The following PGR variants were observed in gnomAD, a reference collection of about 807,000 sequenced individuals.
The protein encoded by PGR is nuclear receptor subfamily 3 group C member 3.
In PGR, 25 loss-of-function variants were observed where a neutral mutation model predicts 76.1. That is an observed-to-expected ratio of 0.33 (90% confidence interval 0.24 to 0.46). PGR has a LOEUF of 0.46. PGR is among the 20% of genes least tolerant of loss of function. The probability of loss-of-function intolerance (pLI) is 1.00; values close to 1 mark genes in which losing one functional copy is unlikely to be tolerated. For missense variants in PGR, 1,172 were observed against 1,225.3 expected (o/e 0.96, Z 0.65); for synonymous variants, 579 against 535.0 (o/e 1.08, Z -1.14).
rs760825686 is a variant in PGR, at chr11:101,043,329, C to T, written c.2489-1227G>A. The stretch of plus-strand genomic sequence containing the variant: ...ACTCCTCATCTTTCAAGTTTTACCA[C>T]GAAACCTCTTCAATTCAGTCATGTC... On this transcript the variant is annotated intron_variant, in intron 6 of 7. Coordinates refer to ENST00000325455, the MANE Select transcript of PGR (RefSeq NM_000926.4). Among the ~76,000 whole-genome samples the T allele has an allele frequency of 9.2e-5, 14 of 152,284 alleles. No homozygotes were observed. In the East Asian group the frequency reaches 1.2e-3, roughly 13 times the overall value.
intron 3 of PGR, among the ~76,000 whole-genome samples, chr11:101,065,474 C>G (rs183789665): frequency 1.3e-5 from 2 of 152,168 alleles, no homozygotes; most frequent in Admixed American, 1.3e-4. Context: ...TGTAGAACTT[C>G]ATATAATTGT....
At chr11:101,113,405 G>A (rs1333618498) in intron 2 of PGR, among the ~76,000 whole-genome samples, 1 of 148,952 alleles carries the variant, frequency 6.7e-6, no homozygotes, top group Non-Finnish European at 1.5e-5. Context: ...GGGACTACAG[G>A]CACCCACCAC....
intron 3 of PGR, among the ~76,000 whole-genome samples, chr11:101,069,883 C>T (rs1204512356): frequency 6.6e-6 from 1 of 151,766 alleles, no homozygotes; most frequent in Non-Finnish European, 1.5e-5. Context: ...AGGGATAGCA[C>T]TAGTAGAAAC....
intron 4 of PGR, among the ~76,000 whole-genome samples, chr11:101,059,858 A>AAAG (rs1860427929): frequency 1.2e-5 from 1 of 85,224 alleles, no homozygotes; most frequent in African/African-American, 2.9e-5. Flanking sequence ...AAAAAAAAAA[A>AAAG]AAAGAAAAAA....
At chr11:101,060,620 T>C (rs2135408484) in intron 4 of PGR, among the ~76,000 whole-genome samples, 1 of 152,336 alleles carries the variant, frequency 6.6e-6, no homozygotes, top group South Asian at 2.1e-4. Flanking sequence ...TCTAGCTCAC[T>C]GACCATTTTC....
intron 2 of PGR, among the ~76,000 whole-genome samples, chr11:101,092,930 T>C (rs1202684936): frequency 1.3e-5 from 2 of 152,152 alleles, no homozygotes; most frequent in Non-Finnish European, 2.9e-5. Context: ...AATCAGAGTC[T>C]TCTGGCCAAA....
At chr11:101,041,113 A>C (rs1247030717) in intron 7 of PGR, among the ~76,000 whole-genome samples, 1 of 143,976 alleles carries the variant, frequency 6.9e-6, no homozygotes, top group East Asian at 1.9e-4. Flanking sequence ...GGATGTTAGA[A>C]GTTTTCTTCT....
In PGR at chr11:101,039,223, G is replaced by A. The variant is rs1859613934; in HGVS notation, c.2695C>T (p.Arg899Trp). The stretch of plus-strand genomic sequence containing the variant: ...TCTGGAAATTCAACACTCAGTGCCC[G>A]GGACTGGATAAATGTATTCAAGCAG... Reference protein sequence around the residue: ...LYCLNTFIQSRALSVEFPEMM... With the variant: ...LYCLNTFIQSWALSVEFPEMM... Residue 899 changes from arginine (R) to tryptophan (W), a missense_variant, in exon 8 of 8, where the codon CGG becomes TGG. Arg to Trp is a moderately radical substitution (Grantham distance 101, BLOSUM62 -3). Around this residue, in one of 4 missense-constraint regions of PGR, gnomAD observed 166 missense variants for 296.0 expected, o/e 0.56. Transcript: ENST00000325455. 2.5e-6 allele frequency: 4 copies of A among 1,611,154 alleles called. No homozygotes were observed. Among genetic ancestry groups the A allele is most frequent in the African/African-American group, 2.7e-5 (2 of 74,796 alleles).
chr11:101,109,725 A>G (rs945651985), intron 2 of PGR, among the ~76,000 whole-genome samples: 1 of 152,354 alleles, frequency 6.6e-6, no homozygotes. Context: ...AGCTAAGCCC[A>G]TGGATGAAGG....
At chr11:101,073,517 TA>T (rs956064491) in intron 3 of PGR, among the ~76,000 whole-genome samples, 2,399 of 143,680 alleles carry the variant, frequency 0.017, 33 homozygotes, top group African/African-American at 0.033. Flanking sequence ...GAAAAACCCT[TA>T]AAAAAAAAAA....
At chr11:101,042,144 G>T in intron 6 of PGR, 42 bp from the exon 7 acceptor site, 7 of 1,587,980 alleles carry the variant, frequency 4.4e-6, no homozygotes, top group Non-Finnish European at 6.0e-6. Flanking sequence ...TGTATAAAAA[G>T]ATGACATTAA....
intron 2 of PGR, among the ~76,000 whole-genome samples, chr11:101,096,395 A>G (rs1186561779): frequency 6.6e-6 from 1 of 152,214 alleles, no homozygotes; most frequent in Admixed American, 6.5e-5. Flanking sequence ...GAGTACAGTT[A>G]AAGGTTTATC....
intron 2 of PGR, among the ~76,000 whole-genome samples, chr11:101,124,607 TAAGAA>T (rs1862782784): frequency 6.6e-6 from 1 of 152,156 alleles, no homozygotes; most frequent in Non-Finnish European, 1.5e-5. Flanking sequence ...TAGGAGACTT[TAAGAA>T]GAGAGGAAAT....
At chr11:101,114,252 G>A (rs1015195677) in intron 2 of PGR, among the ~76,000 whole-genome samples, 4 of 152,034 alleles carry the variant, frequency 2.6e-5, no homozygotes, top group Admixed American at 1.3e-4. Flanking sequence ...TTTCTGCAAC[G>A]TGTTTATGTG....
chr11:101,121,414 A>G (rs932223689), intron 2 of PGR, among the ~76,000 whole-genome samples: 7 of 152,248 alleles, frequency 4.6e-5, no homozygotes, highest in East Asian at 1.9e-4. Flanking sequence ...TGGATGTTCA[A>G]TCTTTCTCTT....
chr11:101,052,811 G>A (rs547885900), intron 4 of PGR, among the ~76,000 whole-genome samples: 6 of 152,134 alleles, frequency 3.9e-5, no homozygotes, highest in East Asian at 3.9e-4. Context: ...ACTGATTGCC[G>A]GTAGATGGGA....
chr11:101,061,713 C>T (rs141230348), intron 4 of PGR, among the ~76,000 whole-genome samples: 1 of 152,240 alleles, frequency 6.6e-6, no homozygotes, highest in Non-Finnish European at 1.5e-5. Flanking sequence ...AATTGCTATA[C>T]ATGTATTCTC....
rs925873507 is a variant in PGR at position 101,080,422 on chromosome 11, C to CA, written c.1906+11337dup. ...CCCTAGAAAAGGGGTAAAAGGGAAA[C>CA]AAAAAAAATTATTAAAATAATAATA... On this transcript the variant is annotated intron_variant, in intron 3 of 7. Coordinates refer to ENST00000325455, the MANE Select transcript of PGR (RefSeq NM_000926.4). 5.0e-5 allele frequency among the ~76,000 whole-genome samples: 7 copies of CA among 138,810 alleles called. No homozygotes were observed. The East Asian group carries it at 8.4e-4, about 17-fold the overall frequency. 91.1% of individuals were successfully genotyped at this position (138,810 alleles called of 152,430 possible).
intron 4 of PGR, among the ~76,000 whole-genome samples, chr11:101,059,986 C>A (rs1171412850): frequency 6.6e-6 from 1 of 151,964 alleles, no homozygotes; most frequent in East Asian, 1.9e-4. Context: ...GAAAGCCCTA[C>A]CAGGCAATAA....
Sources: gnomAD v4.1 joint callset for allele counts (sites outside exome capture counted in the v4.1 genomes callset) on GRCh38, gnomAD v4.1.1 for gene constraint, gnomAD v4.1.1 regional missense constraint, MANE v1.5 for transcripts, NCBI Gene and HGNC (gene_info 2026-07-23, HGNC 2026-07-21) for gene names.